The following OR8J3 variants were observed in gnomAD, a reference collection of about 807,000 sequenced individuals.
OR8J3 encodes the protein olfactory receptor 8J3.
For synonymous variants in OR8J3, 170 were observed against 142.6 expected, an observed-to-expected ratio of 1.19 and a Z score of -1.37; for missense variants, 418 against 379.8, an observed-to-expected ratio of 1.10 and a Z score of -0.84.
In OR8J3 at chr11:56,135,377, C is replaced by A. The variant is rs2512944; in HGVS notation, c.*1394G>T. On this transcript the variant is annotated 3_prime_UTR_variant, in exon 2 of 2. Coordinates refer to ENST00000642058, the MANE Select transcript of OR8J3 (RefSeq NM_001004064.2). ...CCTCAAAAATCTCATCTTATGCAAA[C>A]AAGATAGCTTTTTCCTGCCTTTTCA... The A allele has an allele frequency of 3.0e-4, 45 of 151,990 alleles. No individual in the cohort carries two copies. Among genetic ancestry groups the A allele is most frequent in the African/African-American group, 1.0e-3 (42 of 41,540 alleles). 9.4% of individuals were successfully genotyped at this position (151,990 alleles called of 1,614,324 possible).
Position 56,136,685 on chromosome 11 carries a change from G to T in OR8J3, c.*86C>A. The T allele has an allele frequency of 1.5e-6, 1 of 673,770 alleles. No homozygotes were observed. Among genetic ancestry groups the T allele is most frequent in the South Asian group, 2.6e-5 (1 of 38,202 alleles). The allele number at this position is 673,770 out of a possible 1,614,324, so 41.7% of individuals were successfully genotyped here. On this transcript the variant is annotated 3_prime_UTR_variant, in exon 2 of 2. Transcript: ENST00000642058. ...AAATCTTACCTCTTGGTAATTCTTA[G>T]GATTGCTTGTAAACTTACTTTTATT...
intron 1 of OR8J3, among the ~76,000 whole-genome samples, chr11:56,138,903 A>G (rs545324423): frequency 3.2e-4 from 49 of 152,100 alleles, no homozygotes; most frequent in Middle Eastern, 3.4e-3. Context: ...TTTACACAAT[A>G]CACCTGCTCT....
At chr11:56,139,437 A>G (rs923784936) in intron 1 of OR8J3, among the ~76,000 whole-genome samples, 3 of 152,256 alleles carry the variant, frequency 2.0e-5, no homozygotes, top group Non-Finnish European at 4.4e-5. Context: ...GTTTGATGAT[A>G]CCAAGCATAA....
chr11:56,136,981 T>C lies in OR8J3; in HGVS notation c.738A>G (p.Ile246Met), dbSNP rs754724921. Residue 246 changes from isoleucine to methionine, a missense_variant, in exon 2 of 2, where the codon ATA becomes ATG. Coordinates refer to ENST00000642058, the MANE Select transcript of OR8J3 (RefSeq NM_001004064.2). The stretch of plus-strand genomic sequence containing the variant: ...TTGTCCCATAGAAAACCGTGACTGC[T>C]ATCATATGCGAAGCGCAGGTGGAAA... ...KAFSTCASHM[I>M]AVTVFYGTML... 3 of 1,613,608 alleles carry C rather than the reference T, an allele frequency of 1.9e-6. No homozygotes were observed. Among genetic ancestry groups the C allele is most frequent in the Non-Finnish European group, 2.5e-6 (3 of 1,179,880 alleles).
In OR8J3 at chr11:56,137,769, A is replaced by C; in HGVS notation, c.-51T>G. On this transcript the variant is annotated 5_prime_UTR_variant, in exon 2 of 2. Coordinates refer to ENST00000642058, the MANE Select transcript of OR8J3 (RefSeq NM_001004064.2). ...TGAGGAAGAAAATAAGTGGTTATAG[A>C]CGTTAAGGAATCATTTTCTAGGATT... The C allele has an allele frequency of 7.0e-7, 1 of 1,434,022 alleles. No homozygotes were observed. Among genetic ancestry groups the C allele is most frequent in the Non-Finnish European group, 9.5e-7 (1 of 1,054,370 alleles). 88.8% of individuals were successfully genotyped at this position (1,434,022 alleles called of 1,614,324 possible).
In OR8J3 at chr11:56,137,034, G is replaced by A. The variant is rs757629356; in HGVS notation, c.685C>T (p.Arg229Cys). ...GCTTTTTTCCTTCCTTCTGGTGAACGTATCCTTAGAATGGACAAAACAATA... is the reference window on the plus strand; with the variant it reads ...GCTTTTTTCCTTCCTTCTGGTGAACATATCCTTAGAATGGACAAAACAATA... The part of the protein sequence containing the change: ...FNIVLSILRI[R>C]SPEGRKKAFS... The change falls in exon 2 of 2, where the codon CGT (arginine) becomes TGT (cysteine). Residue 229 changes from arginine (R) to cysteine (C), a missense_variant. By Grantham distance (180) the Arg-to-Cys change is radical. Coordinates refer to ENST00000642058, the MANE Select transcript of OR8J3 (RefSeq NM_001004064.2). 8.1e-6 allele frequency: 13 copies of A among 1,613,524 alleles called. No individual in the cohort carries two copies. Among genetic ancestry groups the A allele is most frequent in the African/African-American group, 2.7e-5 (2 of 74,844 alleles).
Position 56,134,724 on chromosome 11 carries a change from T to A in OR8J3, c.*2047A>T, listed in dbSNP as rs562038517. 14 of 152,062 alleles carry A rather than the reference T, an allele frequency of 9.2e-5. No individual in the cohort carries two copies. In the East Asian group the frequency reaches 2.7e-3, roughly 29 times the overall value. 9.4% of individuals were successfully genotyped at this position (152,062 alleles called of 1,614,324 possible). A position where few individuals can be genotyped will look rare whatever the true frequency, so the allele number is the denominator to read the frequency against. ...AAAAAAACATACATCTGAAGTGACT[T>A]TATCATTAAGCGCTCAGTGTTTTAA... On this transcript the variant is annotated 3_prime_UTR_variant, in exon 2 of 2. Coordinates refer to ENST00000642058, the MANE Select transcript of OR8J3 (RefSeq NM_001004064.2).
Position 56,137,868 on chromosome 11 carries a change from C to G in OR8J3, c.-150G>C. ...ATTAATCTAATTCAGTTATTAAACT[C>G]AGTATTCTCAGTCTAATAAATCAGC... On this transcript the variant is annotated 5_prime_UTR_variant, in exon 2 of 2. Transcript: ENST00000642058. 1.6e-6 allele frequency: 1 copy of G among 639,260 alleles called. No homozygotes were observed. Among genetic ancestry groups the G allele is most frequent in the South Asian group, 2.2e-5 (1 of 46,436 alleles). 39.6% of individuals were successfully genotyped at this position (639,260 alleles called of 1,614,324 possible). A position where few individuals can be genotyped will look rare whatever the true frequency, so the allele number is the denominator to read the frequency against.
chr11:56,137,126 A>T lies in OR8J3; in HGVS notation c.593T>A (p.Ile198Lys). The T allele has an allele frequency of 6.2e-7, 1 of 1,613,082 alleles. No homozygotes were observed. Among genetic ancestry groups the T allele is most frequent in the South Asian group, 1.1e-5 (1 of 90,958 alleles). The change falls in exon 2 of 2, where the codon ATA becomes AAA. Residue 198 changes from isoleucine to lysine, a missense_variant. Coordinates refer to ENST00000642058, the MANE Select transcript of OR8J3 (RefSeq NM_001004064.2). ...SCSDTYIPET[I>K]VFISAATNLV... Reference sequence around the variant, plus strand: ...ATTTGTTGCTGCAGATATAAAGACTATTGTTTCTGGTATGTAAGTATCAGA... The same window carrying T: ...ATTTGTTGCTGCAGATATAAAGACTTTTGTTTCTGGTATGTAAGTATCAGA...
At chr11:56,138,703 A>C (rs1282901943) in intron 1 of OR8J3, among the ~76,000 whole-genome samples, 1 of 151,802 alleles carries the variant, frequency 6.6e-6, no homozygotes. Context: ...CAAAAAAAAA[A>C]AAAAATCAGT....
At position 56,138,174 on chromosome 11, in the gene OR8J3, AC is replaced by A. The variant is rs1565056323; in HGVS notation, c.-457del. The A allele has an allele frequency of 1.3e-5, 2 of 158,436 alleles. No homozygotes were observed. Among genetic ancestry groups the A allele is most frequent in the Non-Finnish European group, 2.8e-5 (2 of 72,370 alleles). The allele number at this position is 158,436 out of a possible 1,614,324, so 9.8% of individuals were successfully genotyped here. On this transcript the variant is annotated 5_prime_UTR_variant, in exon 2 of 2. An upstream open reading frame in the 5' UTR loses its in-frame stop. Coordinates refer to ENST00000642058, the MANE Select transcript of OR8J3 (RefSeq NM_001004064.2). ...TTCTTCCTTTGCCTCAAGACTAGGT[AC>A]TATACTCTTCATTTTAAGAATTATA...
rs1854349269 is a variant in OR8J3, at chr11:56,137,663, C to CTA, written c.54_55dup (p.Ser19IlefsTer15). On this transcript the variant is annotated frameshift_variant, in exon 2 of 2. Coordinates refer to ENST00000642058, the MANE Select transcript of OR8J3 (RefSeq NM_001004064.2). LOFTEE classifies it low-confidence loss of function (END_TRUNC). ...GAGGGGAATCTGGAGCTCTGGACAG[C>CTA]TAGAGACACCTGTGAGAATAAACTC... 1 of 1,612,938 alleles carries CTA rather than the reference C, an allele frequency of 6.2e-7. No homozygotes were observed. Among genetic ancestry groups the CTA allele is most frequent in the Admixed American group, 1.7e-5 (1 of 59,756 alleles).
Position 56,137,742 on chromosome 11 carries a change from T to C in OR8J3, c.-24A>G. On this transcript the variant is annotated 5_prime_UTR_variant, in exon 2 of 2. Transcript: ENST00000642058. ...ATGTCAGAGTTTGGAAATTCATCTG[T>C]TTGAGGAAGAAAATAAGTGGTTATA... 6.4e-7 allele frequency: 1 copy of C among 1,560,298 alleles called. No individual in the cohort carries two copies. The highest frequency in any genetic ancestry group is 8.7e-7 in the Non-Finnish European group (1 of 1,152,284).
rs1344751449 is a variant in OR8J3, at chr11:56,137,085, T to C, written c.634A>G (p.Ile212Val). ...TTGAAATAAGATACTAGAACTGTAA[T>C]CATGGAAAAAACCAAATTTGTTGCT... ...SAATNLVFSMITVLVSYFNIV... is the reference protein window; with the variant it reads ...SAATNLVFSMVTVLVSYFNIV... Residue 212 changes from isoleucine (I) to valine (V), a missense_variant, in exon 2 of 2, where the codon ATT becomes GTT. Physicochemically the swap from Ile to Val is conservative, Grantham distance 29. Coordinates refer to ENST00000642058, the MANE Select transcript of OR8J3 (RefSeq NM_001004064.2). 6.2e-7 allele frequency: 1 copy of C among 1,613,604 alleles called. No homozygotes were observed. The highest frequency in any genetic ancestry group is 1.3e-5 in the African/African-American group (1 of 74,948).
At chr11:56,140,055 C>A (rs1012405140) in intron 1 of OR8J3, 118 bp downstream of exon 1, 1 of 152,216 alleles carries the variant, frequency 6.6e-6, no homozygotes, top group Non-Finnish European at 1.5e-5. Flanking sequence ...AAGTTAATAG[C>A]CCTATATTGC....
Position 56,137,822 on chromosome 11 carries a change from G to A in OR8J3, c.-104C>T, listed in dbSNP as rs550047479. On this transcript the variant is annotated 5_prime_UTR_variant, in exon 2 of 2. Coordinates refer to ENST00000642058, the MANE Select transcript of OR8J3 (RefSeq NM_001004064.2). ...CACTAGATGGCAAGGACAATTCCTG[G>A]GTGTGATCTTCTTGTCATGTATTAA... 3 of 892,524 alleles carry A rather than the reference G, an allele frequency of 3.4e-6. No individual in the cohort carries two copies. Among genetic ancestry groups the A allele is most frequent in the East Asian group, 4.9e-5 (2 of 40,472 alleles). 55.3% of individuals were successfully genotyped at this position (892,524 alleles called of 1,614,324 possible). A position where few individuals can be genotyped will look rare whatever the true frequency, so the allele number is the denominator to read the frequency against.
In OR8J3 at chr11:56,137,430, A is replaced by T. The variant is rs747711861; in HGVS notation, c.289T>A (p.Cys97Ser). 4 of 1,614,234 alleles carry T rather than the reference A, an allele frequency of 2.5e-6. No individual in the cohort carries two copies. Among genetic ancestry groups the T allele is most frequent in the Non-Finnish European group, 3.4e-6 (4 of 1,180,042 alleles). The change falls in exon 2 of 2, where the codon TGT becomes AGT. Residue 97 changes from cysteine (C) to serine (S), a missense_variant. Cys to Ser is a moderately radical substitution (Grantham distance 112). Coordinates refer to ENST00000642058, the MANE Select transcript of OR8J3 (RefSeq NM_001004064.2). ...VKKKTTSFYECATQLGGFLFF... is the reference protein window; with the variant it reads ...VKKKTTSFYESATQLGGFLFF... Reference sequence around the variant, plus strand: ...AAGAACCCTCCCAGTTGGGTGGCACATTCATAGAATGAGGTAGTTTTCTTC... The same window carrying T: ...AAGAACCCTCCCAGTTGGGTGGCACTTTCATAGAATGAGGTAGTTTTCTTC...
intron 1 of OR8J3, among the ~76,000 whole-genome samples, chr11:56,139,773 G>A (rs751599495): frequency 6.6e-6 from 1 of 152,240 alleles, no homozygotes; most frequent in African/African-American, 2.4e-5. Flanking sequence ...AAACCTAAAG[G>A]TGGAGAAGGA....
intron 1 of OR8J3, among the ~76,000 whole-genome samples, chr11:56,139,391 T>A (rs1196837387): frequency 6.6e-6 from 1 of 152,042 alleles, no homozygotes; most frequent in Admixed American, 6.6e-5. Flanking sequence ...AACACCAAAA[T>A]GACTCCTAAC....
Sources: gnomAD v4.1 joint callset for allele counts (sites outside exome capture counted in the v4.1 genomes callset) on GRCh38, gnomAD v4.1.1 for gene constraint, MANE v1.5 for transcripts, NCBI Gene and HGNC (gene_info 2026-07-23, HGNC 2026-07-21) for gene names.